The following TMPRSS4 variants were observed in gnomAD, a reference collection of about 807,000 sequenced individuals.
TMPRSS4 encodes transmembrane serine protease 4.
Under a neutral mutation model 56.4 loss-of-function variants are expected in TMPRSS4, and 45 were observed. That is an observed-to-expected ratio of 0.80 (90% CI 0.63 to 1.02). TMPRSS4 has a LOEUF of 1.02. Ranked by LOEUF, TMPRSS4 falls within the 50% of genes least tolerant of loss-of-function variation. The pLI is 0.00. For synonymous variants in TMPRSS4, 205 were observed against 211.0 expected (o/e 0.97, Z 0.25); for missense variants, 546 against 556.7 (o/e 0.98, Z 0.19).
intron 1 of TMPRSS4, among the ~76,000 whole-genome samples, chr11:118,079,262 G>C (rs1031056832): frequency 6.6e-6 from 1 of 152,106 alleles, no homozygotes; most frequent in Admixed American, 6.5e-5. Context: ...GCCCTGAGGG[G>C]AGGATGGGAT....
At chr11:118,087,839 G>C (rs1382506759) in intron 1 of TMPRSS4, 1 of 152,322 alleles carries the variant, frequency 6.6e-6, no homozygotes, top group Non-Finnish European at 1.5e-5. Flanking sequence ...GGGAACTTAT[G>C]GAAGAAAGGG....
At chr11:118,095,814 G>A (rs771238100) in intron 2 of TMPRSS4, among the ~76,000 whole-genome samples, 11 of 152,188 alleles carry the variant, frequency 7.2e-5, no homozygotes, top group Admixed American at 6.5e-4. Context: ...GTAGGCCCTC[G>A]AGTAAGAAGT....
rs767320687 is a variant in TMPRSS4 at position 118,117,319 on chromosome 11, G to A, written c.1167G>A (p.Gly389=). 1 of 1,614,070 alleles carries A rather than the reference G, an allele frequency of 6.2e-7. No individual in the cohort carries two copies. Among genetic ancestry groups the A allele is most frequent in the Non-Finnish European group, 8.5e-7 (1 of 1,180,020 alleles). Residue 389 remains glycine, a synonymous_variant, in exon 12 of 13, where the codon GGG becomes GGA. Transcript: ENST00000437212. The part of the protein sequence containing the change: ...GVDTCQGDSG[G]PLMYQSDQWH... The stretch of plus-strand genomic sequence containing the variant: ...GTCTCTCACAGGGTGACAGTGGTGG[G>A]CCCCTGATGTACCAATCTGACCAGT...
intron 8 of TMPRSS4, 134 bp downstream of exon 8, chr11:118,112,034 C>A: frequency 8.1e-7 from 1 of 1,234,900 alleles, no homozygotes; most frequent in South Asian, 1.5e-5. Flanking sequence ...GTGGTGGCCC[C>A]AATGAGACAA....
chr11:118,123,541 G>A (rs1163966063), downstream of TMPRSS4, among the ~76,000 whole-genome samples: 2 of 151,530 alleles, frequency 1.3e-5, no homozygotes, highest in African/African-American at 4.8e-5. Flanking sequence ...TTTTTGAGAC[G>A]GAGTCTTGCA....
Position 118,115,090 on chromosome 11 carries a change from G to T in TMPRSS4, c.1010-48G>T, listed in dbSNP as rs746923395. 2.5e-6 allele frequency: 4 copies of T among 1,591,878 alleles called. No homozygotes were observed. The East Asian group carries it at 9.0e-5, about 36-fold the overall frequency. On this transcript the variant is annotated intron_variant, in intron 10 of 12. Transcript: ENST00000437212. ...CAAAGTGGTTTGGCAATCCAGGGCTGGGGGATAGAAGGCAAGGATGGGAAT... is the reference window on the plus strand; with the variant it reads ...CAAAGTGGTTTGGCAATCCAGGGCTTGGGGATAGAAGGCAAGGATGGGAAT...
downstream of TMPRSS4, among the ~76,000 whole-genome samples, chr11:118,123,820 G>A (rs941009912): frequency 6.6e-6 from 1 of 152,022 alleles, no homozygotes; most frequent in South Asian, 2.1e-4. Flanking sequence ...CACCGTGCCC[G>A]GCCAATTACT....
In TMPRSS4 at chr11:118,107,835, A is replaced by G. The variant is rs1181761827; in HGVS notation, c.502A>G (p.Thr168Ala). 1.9e-6 allele frequency: 3 copies of G among 1,614,030 alleles called. No individual in the cohort carries two copies. Among genetic ancestry groups the G allele is most frequent in the Non-Finnish European group, 2.5e-6 (3 of 1,180,028 alleles). ...CCAGGATCTGGATGTTGTTGAAATC[A>G]CAGAAAACAGCCAGGAGCTTCGCAT... ...PDQDLDVVEI[T>A]ENSQELRMRN... Residue 168 changes from threonine (T) to alanine (A), a missense_variant, in exon 6 of 13, where the codon ACA becomes GCA. By Grantham distance (58) the Thr-to-Ala change is moderately conservative. Coordinates refer to ENST00000437212, the MANE Select transcript of TMPRSS4 (RefSeq NM_019894.4).
chr11:118,082,646 C>A (rs1287084466), intron 1 of TMPRSS4, among the ~76,000 whole-genome samples: 1 of 152,022 alleles, frequency 6.6e-6, no homozygotes, highest in Non-Finnish European at 1.5e-5. Flanking sequence ...AAAGGGAAAA[C>A]CAGTAGCTAT....
chr11:118,111,756 T>G lies in TMPRSS4; in HGVS notation c.599T>G (p.Leu200Arg). 1 of 1,584,378 alleles carries G rather than the reference T, an allele frequency of 6.3e-7. No homozygotes were observed. The highest frequency in any genetic ancestry group is 8.6e-7 in the Non-Finnish European group (1 of 1,167,928). The change falls in exon 8 of 13, where the codon CTG (leucine) becomes CGG (arginine). Residue 200 changes from leucine to arginine, a missense_variant. Physicochemically the swap from Leu to Arg is moderately radical, Grantham distance 102. Transcript: ENST00000437212. ...CTGTGTCCAGCCTGTGGGAAGAGCC[T>G]GAAGACCCCCCGTGTGGTGGGTGTG... ...SLHCLACGKS[L>R]KTPRVVGVEE...
At chr11:118,090,823 C>CAG (rs386418949) in intron 1 of TMPRSS4, among the ~76,000 whole-genome samples, 3,424 of 134,642 alleles carry the variant, frequency 0.025, 140 homozygotes, top group African/African-American at 0.089. Flanking sequence ...CACACACAAA[C>CAG]ACACACACAC....
chr11:118,098,682 G>C (rs1946547168), intron 2 of TMPRSS4, among the ~76,000 whole-genome samples: 2 of 152,208 alleles, frequency 1.3e-5, no homozygotes, highest in Non-Finnish European at 2.9e-5. Flanking sequence ...GCGAGGGTCA[G>C]ACAAAACCCA....
intron 11 of TMPRSS4, chr11:118,115,617 C>A: frequency 4.4e-6 from 1 of 227,170 alleles, no homozygotes; most frequent in Non-Finnish European, 8.9e-6. Flanking sequence ...GTCAGGAATT[C>A]AAGACCAGCC....
intron 1 of TMPRSS4, among the ~76,000 whole-genome samples, chr11:118,092,553 C>T (rs1203491886): frequency 2.0e-5 from 3 of 152,192 alleles, no homozygotes; most frequent in African/African-American, 7.2e-5. Context: ...TATCTCAAGC[C>T]CTGATCTTAG....
chr11:118,080,537 G>A (rs1031445826), intron 1 of TMPRSS4, among the ~76,000 whole-genome samples: 1 of 152,106 alleles, frequency 6.6e-6, no homozygotes, highest in African/African-American at 2.4e-5. Context: ...AGATGTCAGG[G>A]CTCCTGCGTG....
chr11:118,091,520 G>C (rs907367546), intron 1 of TMPRSS4, among the ~76,000 whole-genome samples: 3 of 151,726 alleles, frequency 2.0e-5, no homozygotes, highest in Admixed American at 6.6e-5. Flanking sequence ...CCTTCCCCTA[G>C]CCCTCCTCTC....
In TMPRSS4 at chr11:118,103,239, G is replaced by A. The variant is rs1019414730; in HGVS notation, c.296G>A (p.Gly99Glu). 4 of 1,613,548 alleles carry A rather than the reference G, an allele frequency of 2.5e-6. No individual in the cohort carries two copies. Among genetic ancestry groups the A allele is most frequent in the Non-Finnish European group, 3.4e-6 (4 of 1,179,898 alleles). Reference sequence around the variant, plus strand: ...CACTGTGTCAAGAGCTTCCCCGAAGGGCCTGCAGTGGCAGGTGAGTGCAGG... The same window carrying A: ...CACTGTGTCAAGAGCTTCCCCGAAGAGCCTGCAGTGGCAGGTGAGTGCAGG... ...EEHCVKSFPE[G>E]PAVAVRLSKD... Residue 99 changes from glycine to glutamate, a missense_variant, in exon 4 of 13, where the codon GGG becomes GAG. Coordinates refer to ENST00000437212, the MANE Select transcript of TMPRSS4 (RefSeq NM_019894.4).
At chr11:118,078,074 T>A (rs1009378926) in intron 1 of TMPRSS4, among the ~76,000 whole-genome samples, 2 of 141,626 alleles carry the variant, frequency 1.4e-5, no homozygotes, top group African/African-American at 5.2e-5. Flanking sequence ...AGTGCAGAGA[T>A]GCCTCCAAAC....
chr11:118,108,986 C>T (rs931417807), intron 7 of TMPRSS4, 90 bp downstream of exon 7: 1 of 1,442,258 alleles, frequency 6.9e-7, no homozygotes, highest in Non-Finnish European at 9.6e-7. Flanking sequence ...ATTTCTGGGA[C>T]TCCAAGTTTC....
Sources: allele counts gnomAD v4.1 joint callset (sites outside exome capture counted in the v4.1 genomes callset), GRCh38; gene constraint gnomAD v4.1.1; transcripts MANE v1.5; gene names NCBI Gene and HGNC (gene_info 2026-07-23, HGNC 2026-07-21).